Variants in DENND6A observed in about 807,000 individuals in gnomAD.
DENND6A encodes protein DENND6A.
A neutral mutation model predicts 95.5 loss-of-function variants in DENND6A; 43 were observed. The observed-to-expected ratio is 0.45, with a 90% CI of 0.35 to 0.58. The LOEUF (loss-of-function observed/expected upper bound fraction) is 0.58. DENND6A is among the 20% of genes least tolerant of loss of function. The pLI is 0.00. For synonymous variants in DENND6A, 257 were observed against 260.4 expected (o/e 0.99, Z 0.13); for missense variants, 574 against 736.0 (o/e 0.78, Z 2.55).
intron 1 of DENND6A, among the ~76,000 whole-genome samples, chr3:57,691,692 A>C (rs972775649): frequency 7.8e-6 from 1 of 128,484 alleles, no homozygotes; most frequent in African/African-American, 2.7e-5. Context: ...AAAAAAAAAA[A>C]ACCAAAACCA....
intron 14 of DENND6A, 91 bp downstream of exon 14, chr3:57,634,467 C>A: frequency 1.2e-5 from 7 of 571,622 alleles, no homozygotes; most frequent in Non-Finnish European, 1.8e-5. Flanking sequence ...GATCCTATTT[C>A]ACATTAGTAT....
At chr3:57,651,701 A>G (rs1413977733) in intron 9 of DENND6A, among the ~76,000 whole-genome samples, 2 of 152,024 alleles carry the variant, frequency 1.3e-5, no homozygotes, top group African/African-American at 2.4e-5. Context: ...AAAAAAAAAA[A>G]GATAAACCCG....
Position 57,663,730 on chromosome 3 carries a change from G to T in DENND6A, c.433-14C>A. ...AGCAGGATCCTTCTAAGAAGAAAGTGACAAGTAAGTGTGTGTGGGGGGGTA... is the reference window on the plus strand; with the variant it reads ...AGCAGGATCCTTCTAAGAAGAAAGTTACAAGTAAGTGTGTGTGGGGGGGTA... On this transcript the variant is annotated splice_polypyrimidine_tract_variant and intron_variant, in intron 4 of 19. Transcript: ENST00000311128. 1 of 1,533,870 alleles carries T rather than the reference G, an allele frequency of 6.5e-7. No homozygotes were observed. The highest frequency in any genetic ancestry group is 1.2e-5 in the South Asian group (1 of 81,138).
chr3:57,685,372 G>T (rs1259350561), intron 1 of DENND6A, among the ~76,000 whole-genome samples: 1 of 152,100 alleles, frequency 6.6e-6, no homozygotes, highest in East Asian at 1.9e-4. Context: ...CTATATTCAG[G>T]TTGAGTATTC....
intron 5 of DENND6A, among the ~76,000 whole-genome samples, chr3:57,662,356 A>AT (rs1400733889): frequency 6.6e-6 from 1 of 151,380 alleles, no homozygotes; most frequent in African/African-American, 2.4e-5. Flanking sequence ...AAGTCTGGCT[A>AT]TTTTTTGGGG....
intron 1 of DENND6A, among the ~76,000 whole-genome samples, chr3:57,685,998 T>TA (rs1324667040): frequency 1.3e-5 from 2 of 152,198 alleles, no homozygotes; most frequent in African/African-American, 2.4e-5. Flanking sequence ...TGCCTACACA[T>TA]AATGATCCTC....
chr3:57,646,269 G>A, intron 10 of DENND6A, 47 bp downstream of exon 10: 2 of 1,582,320 alleles, frequency 1.3e-6, no homozygotes, highest in African/African-American at 1.4e-5. Context: ...GTTAAGTACT[G>A]CAGCATCCAA....
intron 9 of DENND6A, among the ~76,000 whole-genome samples, chr3:57,653,122 G>GA (rs2071244902): frequency 6.6e-6 from 1 of 152,114 alleles, no homozygotes; most frequent in Non-Finnish European, 1.5e-5. Flanking sequence ...AATGGTTTGG[G>GA]AAAAAAGTCT....
chr3:57,691,388 G>A (rs1015734745), intron 1 of DENND6A, among the ~76,000 whole-genome samples: 5 of 152,082 alleles, frequency 3.3e-5, no homozygotes, highest in African/African-American at 1.2e-4. Context: ...ACTGCATTTG[G>A]CCTTATCAGC....
rs2070558678 is a variant in DENND6A at position 57,627,536 on chromosome 3, A to C, written c.*678T>G. On this transcript the variant is annotated 3_prime_UTR_variant, in exon 20 of 20. Coordinates refer to ENST00000311128, the MANE Select transcript of DENND6A (RefSeq NM_152678.3). Reference sequence around the variant, plus strand: ...GTCTTTGGAGAAACTGGTAACATTAAATTTTGAAAATGGAAGGGAAAATAA... The same window carrying C: ...GTCTTTGGAGAAACTGGTAACATTACATTTTGAAAATGGAAGGGAAAATAA... The C allele has an allele frequency of 6.6e-6, 1 of 152,164 alleles. No individual in the cohort carries two copies. Among genetic ancestry groups the C allele is most frequent in the Non-Finnish European group, 1.5e-5 (1 of 68,034 alleles). 9.4% of individuals were successfully genotyped at this position (152,164 alleles called of 1,614,324 possible). A position where few individuals can be genotyped will look rare whatever the true frequency, so the allele number is the denominator to read the frequency against.
At chr3:57,663,588 A>C in intron 5 of DENND6A, 48 bp downstream of exon 5, 22 of 1,358,546 alleles carry the variant, frequency 1.6e-5, no homozygotes, top group Non-Finnish European at 2.1e-5. Flanking sequence ...CTATTTTTCT[A>C]ATCACAAAAT....
intron 12 of DENND6A, among the ~76,000 whole-genome samples, chr3:57,638,580 C>G (rs999000994): frequency 6.6e-6 from 1 of 152,204 alleles, no homozygotes; most frequent in South Asian, 2.1e-4. Context: ...ATTGCTTGAA[C>G]CCGGGAGGTG....
chr3:57,661,108 CA>C (rs140369157), intron 6 of DENND6A, among the ~76,000 whole-genome samples: 2,036 of 152,248 alleles, frequency 0.013, 50 homozygotes, highest in African/African-American at 0.046. Flanking sequence ...TAATTAGCTA[CA>C]AAAGCACATC....
intron 9 of DENND6A, among the ~76,000 whole-genome samples, chr3:57,650,567 A>G (rs2071185355): frequency 6.6e-6 from 1 of 152,094 alleles, no homozygotes; most frequent in Admixed American, 6.6e-5. Flanking sequence ...ATTCTCTGCT[A>G]AAAAGAACAA....
At chr3:57,690,972 GA>G (rs2077259230) in intron 1 of DENND6A, among the ~76,000 whole-genome samples, 2 of 152,102 alleles carry the variant, frequency 1.3e-5, no homozygotes, top group Non-Finnish European at 1.5e-5. Context: ...TCCTGACCTA[GA>G]AAAAACTCTA....
Position 57,684,238 on chromosome 3 carries a change from G to C in DENND6A, c.237+8544C>G, listed in dbSNP as rs181213420. Among the ~76,000 whole-genome samples the C allele has an allele frequency of 2.0e-4, 30 of 151,372 alleles. No homozygotes were observed. In the East Asian group the frequency reaches 5.7e-3, roughly 29 times the overall value. The stretch of plus-strand genomic sequence containing the variant: ...GCACCTTGGGAGGCCAAGGTGGGCA[G>C]ATCACGAGGTCAGGAGTTTGAGACC... On this transcript the variant is annotated intron_variant, in intron 1 of 19. Coordinates refer to ENST00000311128, the MANE Select transcript of DENND6A (RefSeq NM_152678.3).
At chr3:57,651,815 G>A (rs2071215600) in intron 9 of DENND6A, among the ~76,000 whole-genome samples, 1 of 152,116 alleles carries the variant, frequency 6.6e-6, no homozygotes, top group Non-Finnish European at 1.5e-5. Context: ...GCTAAACTGG[G>A]ACAATTTGAA....
chr3:57,645,169 TA>T (rs2071051523), intron 11 of DENND6A, among the ~76,000 whole-genome samples: 1 of 152,000 alleles, frequency 6.6e-6, no homozygotes, highest in Non-Finnish European at 1.5e-5. Flanking sequence ...CATTAATAAA[TA>T]AAATCACGTG....
At chr3:57,655,587 C>A (rs553442091) in intron 9 of DENND6A, among the ~76,000 whole-genome samples, 11 of 152,148 alleles carry the variant, frequency 7.2e-5, no homozygotes, top group Admixed American at 4.6e-4. Context: ...AGTCAAAATG[C>A]AATCAAAATT....
Sources: gnomAD v4.1 joint callset for allele counts (sites outside exome capture counted in the v4.1 genomes callset) on GRCh38, gnomAD v4.1.1 for gene constraint, MANE v1.5 for transcripts, NCBI Gene and HGNC (gene_info 2026-07-23, HGNC 2026-07-21) for gene names.